DENND1A: variants seen among roughly 807,000 people sequenced by gnomAD.
DENND1A encodes DENN domain containing 1A, also known as DENN domain-containing protein 1A.
A neutral mutation model predicts 113.7 loss-of-function variants in DENND1A; 51 were observed. The observed-to-expected ratio is 0.45, with a 90% CI of 0.36 to 0.57. The LOEUF (loss-of-function observed/expected upper bound fraction) is 0.57, where lower values mean the gene tolerates loss of function less well. DENND1A is among the 20% of genes least tolerant of loss of function. The pLI, the probability that DENND1A is intolerant of heterozygous loss-of-function variation, is 0.00. For missense variants in DENND1A, 1,258 were observed against 1,395.9 expected, an observed-to-expected ratio of 0.90 and a Z score of 1.57; for synonymous variants, 565 against 570.8, an observed-to-expected ratio of 0.99 and a Z score of 0.14.
At chr9:123,390,958 G>C (rs2042810996) in intron 21 of DENND1A, among the ~76,000 whole-genome samples, 1 of 152,264 alleles carries the variant, frequency 6.6e-6, no homozygotes, top group African/African-American at 2.4e-5. Context: ...CACTGAACCT[G>C]CCAGGAATTT....
chr9:123,475,028 A>AT (rs1278862916), intron 13 of DENND1A, among the ~76,000 whole-genome samples: 11 of 150,358 alleles, frequency 7.3e-5, no homozygotes, highest in South Asian at 2.1e-4. Context: ...TAATTAATTT[A>AT]TTTTTTTTTG....
At chr9:123,757,074 A>T (rs1564207245) in intron 5 of DENND1A, among the ~76,000 whole-genome samples, 2 of 152,146 alleles carry the variant, frequency 1.3e-5, no homozygotes, top group Admixed American at 6.5e-5. Flanking sequence ...CCAAAATCGG[A>T]TTTCCACACA....
intron 1 of DENND1A, among the ~76,000 whole-genome samples, chr9:123,882,446 A>G (rs1218773782): frequency 3.5e-5 from 5 of 141,522 alleles, no homozygotes; most frequent in African/African-American, 1.5e-4. Flanking sequence ...AACAAAACTT[A>G]ATGTCATCCT....
At chr9:123,896,165 A>T (rs1451208248) in intron 1 of DENND1A, among the ~76,000 whole-genome samples, 1 of 152,106 alleles carries the variant, frequency 6.6e-6, no homozygotes, top group Non-Finnish European at 1.5e-5. Flanking sequence ...TTAAAAAATC[A>T]GCAGGGCATG....
rs1262531073 is a variant in DENND1A at position 123,919,253 on chromosome 9, C to T, written c.17+10636G>A. The stretch of plus-strand genomic sequence containing the variant: ...TTGGGAGGCCTAGGTGGGTGGACTG[C>T]TTGGGGTCAGGAGTTTGAAACCAGC... On this transcript the variant is annotated intron_variant, in intron 1 of 23. Transcript: ENST00000394215. 2.0e-5 allele frequency among the ~76,000 whole-genome samples: 3 copies of T among 151,868 alleles called. No individual in the cohort carries two copies. The East Asian group carries it at 5.8e-4, about 29-fold the overall frequency.
chr9:123,786,228 G>A (rs1832151312), intron 3 of DENND1A, among the ~76,000 whole-genome samples: 1 of 151,208 alleles, frequency 6.6e-6, no homozygotes, highest in African/African-American at 2.4e-5. Context: ...AAAAAAGAAA[G>A]AAAGAAATGC....
intron 13 of DENND1A, chr9:123,491,846 T>C (rs1179049667): frequency 6.6e-6 from 1 of 152,276 alleles, no homozygotes; most frequent in African/African-American, 2.4e-5. Flanking sequence ...CCCTCCAACA[T>C]ACTCCTCTGT....
In DENND1A at chr9:123,764,151, C is replaced by T. The variant is rs577391155; in HGVS notation, c.182+5363G>A. On this transcript the variant is annotated intron_variant, in intron 4 of 23. Coordinates refer to ENST00000394215, the MANE Select transcript of DENND1A (RefSeq NM_001352964.2). The surrounding 1 kb of genome is among the most constrained non-coding windows in gnomAD (Gnocchi z 4.1). Reference sequence around the variant, plus strand: ...TACTTCTCTGATCTCATCTGTAAATCATCAGAATAATCACATCACTTTGCA... The same window carrying T: ...TACTTCTCTGATCTCATCTGTAAATTATCAGAATAATCACATCACTTTGCA... Among the ~76,000 whole-genome samples the T allele has an allele frequency of 1.3e-5, 2 of 152,182 alleles. No homozygotes were observed. The highest frequency in any genetic ancestry group is 2.9e-5 in the Non-Finnish European group (2 of 68,030).
In DENND1A at chr9:123,609,433, T is replaced by C; in HGVS notation, c.765+3A>G. On this transcript the variant is annotated splice_donor_region_variant and intron_variant, in intron 11 of 23. Coordinates refer to ENST00000394215, the MANE Select transcript of DENND1A (RefSeq NM_001352964.2). ...CATCTGGGGAGGAAAGAAGCCAACTTACCTCCATTAAACTTAAATGGATTC... is the reference window on the plus strand; with the variant it reads ...CATCTGGGGAGGAAAGAAGCCAACTCACCTCCATTAAACTTAAATGGATTC... 6.2e-7 allele frequency: 1 copy of C among 1,613,486 alleles called. No individual in the cohort carries two copies. Among genetic ancestry groups the C allele is most frequent in the Non-Finnish European group, 8.5e-7 (1 of 1,179,746 alleles).
intron 2 of DENND1A, among the ~76,000 whole-genome samples, chr9:123,857,128 T>C (rs988629215): frequency 2.0e-5 from 3 of 151,014 alleles, no homozygotes; most frequent in East Asian, 2.0e-4. Context: ...GGCTTTTAAA[T>C]AGCATTCTCC....
intron 5 of DENND1A, among the ~76,000 whole-genome samples, chr9:123,695,750 T>C (rs919043579): frequency 6.6e-6 from 1 of 152,206 alleles, no homozygotes; most frequent in Non-Finnish European, 1.5e-5. Context: ...CATACTAGTG[T>C]GGGCACACAC....
chr9:123,521,988 T>C (rs2054434307), intron 13 of DENND1A, among the ~76,000 whole-genome samples: 1 of 152,188 alleles, frequency 6.6e-6, no homozygotes, highest in East Asian at 1.9e-4. Flanking sequence ...TCTTCTAATA[T>C]CAGTTCTCCC....
intron 11 of DENND1A, among the ~76,000 whole-genome samples, chr9:123,583,504 A>C (rs1410714881): frequency 6.6e-6 from 1 of 152,190 alleles, no homozygotes; most frequent in Non-Finnish European, 1.5e-5. Flanking sequence ...GGGTTCACAG[A>C]GGCTCAGTAA....
intron 9 of DENND1A, among the ~76,000 whole-genome samples, chr9:123,639,039 T>TTAAAAA (rs1386503152): frequency 3.1e-5 from 1 of 32,122 alleles, no homozygotes; most frequent in Non-Finnish European, 5.6e-5. Flanking sequence ...GCATGAGTAG[T>TTAAAAA]AAAAAAAAAA....
intron 2 of DENND1A, among the ~76,000 whole-genome samples, chr9:123,877,043 G>A (rs1847579999): frequency 6.6e-6 from 1 of 152,162 alleles, no homozygotes; most frequent in South Asian, 2.1e-4. Flanking sequence ...TGGAGACTCA[G>A]AAGGGTGGGA....
chr9:123,442,153 A>G (rs1179871235), intron 18 of DENND1A, among the ~76,000 whole-genome samples: 2 of 152,204 alleles, frequency 1.3e-5, no homozygotes, highest in Non-Finnish European at 2.9e-5. Context: ...GACCTCACAC[A>G]TCCAGCTGCC....
At chr9:123,719,366 C>T (rs780572188) in intron 5 of DENND1A, among the ~76,000 whole-genome samples, 6 of 152,244 alleles carry the variant, frequency 3.9e-5, no homozygotes, top group Non-Finnish European at 5.9e-5. Flanking sequence ...AGACTATCCT[C>T]TCCCCATTGC....
At chr9:123,489,901 A>G (rs2051222099) in intron 13 of DENND1A, among the ~76,000 whole-genome samples, 1 of 152,194 alleles carries the variant, frequency 6.6e-6, no homozygotes, top group African/African-American at 2.4e-5. Context: ...GCATGTTCTG[A>G]TCCCAACCGA....
intron 1 of DENND1A, among the ~76,000 whole-genome samples, chr9:123,898,198 C>G (rs1369147012): frequency 6.6e-6 from 1 of 152,112 alleles, no homozygotes; most frequent in Admixed American, 6.5e-5. Context: ...TGATGCTGAG[C>G]ATTTTTTCTT....
Sources: gnomAD v4.1 joint callset for allele counts (sites outside exome capture counted in the v4.1 genomes callset) on GRCh38, gnomAD v4.1.1 for gene constraint, Gnocchi (gnomAD v3.1) non-coding constraint, MANE v1.5 for transcripts, NCBI Gene and HGNC (gene_info 2026-07-23, HGNC 2026-07-21) for gene names.